Variants in RGS6 observed in about 807,000 individuals in gnomAD.
The protein encoded by RGS6 is regulator of G protein signaling 6.
A neutral mutation model predicts 78.5 loss-of-function variants in RGS6; 30 were observed. The ratio of observed to expected loss-of-function variants is 0.38; its 90% CI spans 0.29 to 0.52. RGS6 has a LOEUF of 0.52. Among genes scored for constraint, RGS6 ranks in the 20% least tolerant of loss-of-function variants. RGS6 has a pLI of 0.85. For synonymous variants in RGS6, 206 were observed against 206.0 expected (o/e 1.00, Z 0.00); for missense variants, 495 against 609.7 (o/e 0.81, Z 1.98).
At chr14:72,055,277 A>G (rs1338673976) in intron 2 of RGS6, among the ~76,000 whole-genome samples, 8 of 152,044 alleles carry the variant, frequency 5.3e-5, no homozygotes, top group African/African-American at 1.9e-4. Context: ...CTATCAGTTC[A>G]CCTCTTCACC....
intron 2 of RGS6, among the ~76,000 whole-genome samples, chr14:72,083,428 A>G (rs2094904393): frequency 6.6e-6 from 1 of 152,120 alleles, no homozygotes; most frequent in Non-Finnish European, 1.5e-5. Flanking sequence ...TCTGATTCAA[A>G]TGTTAATAGT....
chr14:72,453,830 C>A (rs2095559491), intron 3 of RGS6, among the ~76,000 whole-genome samples: 1 of 151,986 alleles, frequency 6.6e-6, no homozygotes, highest in South Asian at 2.1e-4. Flanking sequence ...CTCTGCATTC[C>A]CCCAGGTCTT....
At chr14:71,870,137 TG>T in the RGS6 span, among the ~76,000 whole-genome samples, 1 of 152,238 alleles carries the variant, frequency 6.6e-6, no homozygotes, top group Non-Finnish European at 1.5e-5. Context: ...CAATTTCTTT[TG>T]TAATCACACA....
intron 17 of RGS6, chr14:72,547,164 C>T: frequency 6.5e-7 from 1 of 1,534,222 alleles, no homozygotes; most frequent in Non-Finnish European, 8.7e-7. Flanking sequence ...TAGGACAGAG[C>T]CTGCCTCAGT....
chr14:72,590,752 C>T, the RGS6 span, among the ~76,000 whole-genome samples: 5 of 152,138 alleles, frequency 3.3e-5, no homozygotes, highest in East Asian at 1.9e-4. Flanking sequence ...GGAAGTCTAG[C>T]GGATAAGGTC....
intron 2 of RGS6, among the ~76,000 whole-genome samples, chr14:72,142,091 G>C (rs1418260496): frequency 1.3e-5 from 2 of 152,104 alleles, no homozygotes; most frequent in Non-Finnish European, 2.9e-5. Context: ...GTAGTCACCA[G>C]ATAGTTACTG....
At chr14:72,319,983 A>G (rs1199538161) in intron 2 of RGS6, among the ~76,000 whole-genome samples, 1 of 152,222 alleles carries the variant, frequency 6.6e-6, no homozygotes, top group Non-Finnish European at 1.5e-5. Context: ...AACAATCAAT[A>G]CTACTCTGTA....
chr14:72,465,214 AT>A (rs2095870619), intron 6 of RGS6, among the ~76,000 whole-genome samples: 1 of 152,128 alleles, frequency 6.6e-6, no homozygotes, highest in African/African-American at 2.4e-5. Flanking sequence ...CATATTTGCC[AT>A]CCTAACGAGC....
intron 2 of RGS6, among the ~76,000 whole-genome samples, chr14:72,036,685 T>A (rs897347617): frequency 7.9e-5 from 12 of 152,162 alleles, no homozygotes; most frequent in Non-Finnish European, 1.2e-4. Flanking sequence ...GTTCTCTCAA[T>A]ATTGAGTTTT....
chr14:72,170,170 A>G (rs1356717614), intron 2 of RGS6, among the ~76,000 whole-genome samples: 2 of 152,238 alleles, frequency 1.3e-5, no homozygotes, highest in Non-Finnish European at 2.9e-5. Flanking sequence ...TATTTAAACA[A>G]TGCCATGTAC....
intron 2 of RGS6, among the ~76,000 whole-genome samples, chr14:72,208,623 C>T (rs889157331): frequency 2.0e-5 from 3 of 152,140 alleles, no homozygotes; most frequent in African/African-American, 7.2e-5. Context: ...TAGTGCTTGA[C>T]TATATTAGAT....
At chr14:72,296,921 G>T (rs950268152) in intron 2 of RGS6, among the ~76,000 whole-genome samples, 1 of 152,126 alleles carries the variant, frequency 6.6e-6, no homozygotes, top group Non-Finnish European at 1.5e-5. Context: ...ATACATTTAT[G>T]TCTATGATTC....
At chr14:72,022,265 A>G (rs1002971784) in intron 2 of RGS6, 1 of 152,206 alleles carries the variant, frequency 6.6e-6, no homozygotes, top group Non-Finnish European at 1.5e-5. Context: ...TTGTGGTAGA[A>G]TGATTTCTAT....
At chr14:72,307,687 C>A (rs117304580) in intron 2 of RGS6, among the ~76,000 whole-genome samples, 1,916 of 152,052 alleles carry the variant, frequency 0.013, 37 homozygotes, top group Admixed American at 0.055. Flanking sequence ...GTATATTTGT[C>A]TTTTCCTTAT....
rs140937129 is a variant in RGS6, at chr14:72,163,743, T to C, written c.85-188352T>C. On this transcript the variant is annotated intron_variant, in intron 2 of 17. Coordinates refer to ENST00000553525, the MANE Select transcript of RGS6 (RefSeq NM_001204424.2). ...ACTAAAAATACAAAAATTAGCCAGG[T>C]GTGGTGGCACTCACCTGTAATCGCA... is the stretch of plus-strand genomic sequence containing the variant. 5.4e-3 allele frequency among the ~76,000 whole-genome samples: 824 copies of C among 152,036 alleles called. 12 individuals carry two copies. The highest frequency in any genetic ancestry group is 0.019 in the African/African-American group (784 of 41,478).
intron 2 of RGS6, among the ~76,000 whole-genome samples, chr14:71,991,173 A>G (rs1595773143): frequency 6.6e-6 from 1 of 152,250 alleles, no homozygotes; most frequent in South Asian, 2.1e-4. Flanking sequence ...TCTCTGCCAC[A>G]TAGCTTATCC....
chr14:72,409,001 A>T (rs1014343580), intron 3 of RGS6, among the ~76,000 whole-genome samples: 3 of 152,224 alleles, frequency 2.0e-5, no homozygotes, highest in African/African-American at 7.2e-5. Flanking sequence ...ATTCTGATGA[A>T]TCAAAGTTTT....
chr14:71,874,017 C>A, the RGS6 span, among the ~76,000 whole-genome samples: 1 of 152,134 alleles, frequency 6.6e-6, no homozygotes, highest in African/African-American at 2.4e-5. Context: ...GTTTTGGTAC[C>A]AACACCATGC....
chr14:72,035,532 T>G (rs1179313892), intron 2 of RGS6, among the ~76,000 whole-genome samples: 1 of 152,196 alleles, frequency 6.6e-6, no homozygotes, highest in African/African-American at 2.4e-5. Context: ...AGTTTGTTTT[T>G]CTAGTTCCTT....
Sources: allele counts gnomAD v4.1 joint callset (sites outside exome capture counted in the v4.1 genomes callset), GRCh38; gene constraint gnomAD v4.1.1; transcripts MANE v1.5; gene names NCBI Gene and HGNC (gene_info 2026-07-23, HGNC 2026-07-21).